SYNPO2: variants seen among roughly 807,000 people sequenced by gnomAD.
The protein encoded by SYNPO2 is synaptopodin 2.
Under a neutral mutation model 85.0 loss-of-function variants are expected in SYNPO2, and 56 were observed. That is an observed-to-expected ratio of 0.66 (90% CI 0.53 to 0.82). The LOEUF is 0.82. Among genes scored for constraint, SYNPO2 ranks in the 40% least tolerant of loss-of-function variants. SYNPO2 has a pLI of 0.00. For missense variants in SYNPO2, 1,575 were observed against 1,534.2 expected (o/e 1.03, Z -0.44); for synonymous variants, 602 against 591.1 (o/e 1.02, Z -0.27).
At chr4:119,008,409 G>A (rs560753999) in intron 1 of SYNPO2, among the ~76,000 whole-genome samples, 26 of 151,270 alleles carry the variant, frequency 1.7e-4, no homozygotes, top group Non-Finnish European at 2.8e-4. Context: ...GGACATTTGC[G>A]AGCACACTGG....
intron 1 of SYNPO2, among the ~76,000 whole-genome samples, chr4:118,912,089 GATAA>G (rs1403519736): frequency 2.6e-5 from 4 of 152,180 alleles, no homozygotes; most frequent in South Asian, 2.1e-4. Context: ...CAACATCACT[GATAA>G]ATAAACCACT....
rs555278969 is a variant in SYNPO2 at position 118,975,025 on chromosome 4, G to A, written c.106-48405G>A. 1.5e-3 allele frequency among the ~76,000 whole-genome samples: 229 copies of A among 152,200 alleles called. 1 individual carries two copies. Among genetic ancestry groups the A allele is most frequent in the Non-Finnish European group, 2.8e-3 (193 of 68,030 alleles). ...GATGAGAGCCAAGTGTTACATTCTG[G>A]CATTCAAAACTCTTTTCAATATGGT... On this transcript the variant is annotated intron_variant, in intron 1 of 4. Coordinates refer to ENST00000307142, the MANE Select transcript of SYNPO2 (RefSeq NM_133477.3).
chr4:119,052,584 G>A (rs1206330800), intron 4 of SYNPO2, among the ~76,000 whole-genome samples: 1 of 152,166 alleles, frequency 6.6e-6, no homozygotes, highest in East Asian at 1.9e-4. Context: ...GGGCCAGAAG[G>A]CAGAGTTAGC....
intron 1 of SYNPO2, among the ~76,000 whole-genome samples, chr4:118,857,594 C>T (rs990885970): frequency 2.0e-5 from 3 of 152,048 alleles, no homozygotes; most frequent in Non-Finnish European, 4.4e-5. Context: ...AAAAATCAAA[C>T]CGTAAGTAAT....
intron 1 of SYNPO2, among the ~76,000 whole-genome samples, chr4:118,867,057 T>G (rs1254373108): frequency 6.6e-6 from 1 of 152,220 alleles, no homozygotes; most frequent in Admixed American, 6.5e-5. Context: ...CTGTTACCTC[T>G]TTTTGAAATA....
intron 1 of SYNPO2, among the ~76,000 whole-genome samples, chr4:118,981,605 T>G (rs2149163035): frequency 6.6e-6 from 1 of 152,252 alleles, no homozygotes; most frequent in South Asian, 2.1e-4. Flanking sequence ...TGTCATAAGT[T>G]CTGATTAGGG....
intron 1 of SYNPO2, among the ~76,000 whole-genome samples, chr4:118,942,042 G>A (rs1734330032): frequency 6.6e-6 from 1 of 152,114 alleles, no homozygotes; most frequent in African/African-American, 2.4e-5. Flanking sequence ...TAAAGGAAGT[G>A]GTTAGGGAGA....
chr4:118,918,685 C>T (rs1309511121), intron 1 of SYNPO2, among the ~76,000 whole-genome samples: 4 of 152,060 alleles, frequency 2.6e-5, no homozygotes, highest in Admixed American at 6.6e-5. Context: ...TTACAGATTG[C>T]GTTTACTTAA....
At chr4:119,000,940 A>G (rs1736800337) in intron 1 of SYNPO2, among the ~76,000 whole-genome samples, 1 of 152,198 alleles carries the variant, frequency 6.6e-6, no homozygotes, top group African/African-American at 2.4e-5. Flanking sequence ...CTGGGGCACA[A>G]ATCTATTAGG....
At chr4:118,923,907 C>T (rs1374288774) in intron 1 of SYNPO2, among the ~76,000 whole-genome samples, 5 of 143,398 alleles carry the variant, frequency 3.5e-5, no homozygotes, top group Middle Eastern at 3.4e-3. Context: ...AAAAAAAAAA[C>T]CTGAGTTCAT....
chr4:118,901,940 T>C (rs1158373008), intron 1 of SYNPO2, among the ~76,000 whole-genome samples: 1 of 152,192 alleles, frequency 6.6e-6, no homozygotes, highest in Non-Finnish European at 1.5e-5. Flanking sequence ...AAGAATCCAG[T>C]GGGCTTGTTA....
At chr4:119,016,816 CA>C (rs1737542629) in intron 1 of SYNPO2, among the ~76,000 whole-genome samples, 1 of 152,164 alleles carries the variant, frequency 6.6e-6, no homozygotes, top group African/African-American at 2.4e-5. Context: ...CAGCTCATAG[CA>C]GTTATATTGC....
chr4:118,980,880 A>G (rs1005009344), intron 1 of SYNPO2, among the ~76,000 whole-genome samples: 1 of 152,214 alleles, frequency 6.6e-6, no homozygotes, highest in African/African-American at 2.4e-5. Flanking sequence ...TCTGAGTTAC[A>G]TGAAACACTT....
intron 1 of SYNPO2, among the ~76,000 whole-genome samples, chr4:118,873,226 G>C (rs1271762382): frequency 6.6e-6 from 1 of 152,130 alleles, no homozygotes; most frequent in Non-Finnish European, 1.5e-5. Flanking sequence ...TGAGACTGCT[G>C]GATCAAACAG....
At chr4:119,049,298 C>T (rs1284752315) in intron 4 of SYNPO2, among the ~76,000 whole-genome samples, 8 of 152,188 alleles carry the variant, frequency 5.3e-5, no homozygotes, top group Admixed American at 4.6e-4. Flanking sequence ...AAAAGAAATA[C>T]TTTTTATTCC....
In SYNPO2 at chr4:119,057,458, T is replaced by A; in HGVS notation, c.3310T>A (p.Ser1104Thr). 6.2e-7 allele frequency: 1 copy of A among 1,613,530 alleles called. No individual in the cohort carries two copies. Residue 1104 changes from serine to threonine, a missense_variant, in exon 5 of 5, where the codon TCT becomes ACT. Around this residue, in one of 3 missense-constraint regions of SYNPO2, gnomAD observed 1,508 missense variants for 1,446.8 expected, o/e 1.04. Coordinates refer to ENST00000307142, the MANE Select transcript of SYNPO2 (RefSeq NM_133477.3). ...GRSVPPPIST[S>T]PWVYQPTYSY... ...ATCAGTCCCACCCCCCATTTCTACA[T>A]CTCCTTGGGTATACCAGCCTACTTA...
rs778428957 is a variant in SYNPO2 at position 119,031,120 on chromosome 4, C to G, written c.2345C>G (p.Pro782Arg). 6.2e-7 allele frequency: 1 copy of G among 1,614,104 alleles called. No homozygotes were observed. The highest frequency in any genetic ancestry group is 1.1e-5 in the South Asian group (1 of 91,064). The change falls in exon 4 of 5, where the codon CCA becomes CGA. Residue 782 changes from proline to arginine, a missense_variant. Around this residue, in one of 3 missense-constraint regions of SYNPO2, gnomAD observed 1,508 missense variants for 1,446.8 expected, o/e 1.04. Transcript: ENST00000307142. ...PVTPVSPVWS[P>R]GVAPTQPPAF... Reference sequence around the variant, plus strand: ...ACTCCAGTTTCCCCAGTCTGGTCTCCAGGAGTGGCTCCCACCCAACCTCCT... The same window carrying G: ...ACTCCAGTTTCCCCAGTCTGGTCTCGAGGAGTGGCTCCCACCCAACCTCCT...
intron 1 of SYNPO2, among the ~76,000 whole-genome samples, chr4:118,931,543 G>A (rs191807929): frequency 1.3e-5 from 2 of 152,182 alleles, no homozygotes; most frequent in African/African-American, 4.8e-5. Flanking sequence ...AACCAATCCT[G>A]TGTTGAAATA....
intron 1 of SYNPO2, among the ~76,000 whole-genome samples, chr4:118,896,082 T>G (rs1732542075): frequency 6.6e-6 from 1 of 152,198 alleles, no homozygotes; most frequent in Non-Finnish European, 1.5e-5. Flanking sequence ...TAAATATAAT[T>G]CTTTCCCTCT....
Sources: gnomAD v4.1 joint callset for allele counts (sites outside exome capture counted in the v4.1 genomes callset) on GRCh38, gnomAD v4.1.1 for gene constraint, gnomAD v4.1.1 regional missense constraint, MANE v1.5 for transcripts, NCBI Gene and HGNC (gene_info 2026-07-23, HGNC 2026-07-21) for gene names.